Variants in KCNG3 observed in about 807,000 individuals in gnomAD.
KCNG3 encodes the protein voltage-gated potassium channel regulatory subunit KCNG3.
KCNG3 carries 15 observed loss-of-function variants against 29.0 expected under a neutral mutation model. The observed-to-expected ratio is 0.52, with a 90% CI of 0.35 to 0.80. The LOEUF (loss-of-function observed/expected upper bound fraction) is 0.80. KCNG3 is among the 30% of genes least tolerant of loss of function. The pLI, the probability that KCNG3 is intolerant of heterozygous loss-of-function variation, is 0.01. For synonymous variants in KCNG3, 322 were observed against 248.9 expected, an observed-to-expected ratio of 1.29 and a Z score of -2.76; for missense variants, 512 against 605.7, an observed-to-expected ratio of 0.85 and a Z score of 1.62.
chr2:42,463,270 G>A (rs1673062916), intron 1 of KCNG3: 1 of 238,012 alleles, frequency 4.2e-6, no homozygotes, highest in Non-Finnish European at 8.4e-6. Context: ...ATCAGGCTAG[G>A]GTTGTACACT....
chr2:42,474,437 A>G (rs1002250507), intron 1 of KCNG3, among the ~76,000 whole-genome samples: 3 of 152,224 alleles, frequency 2.0e-5, no homozygotes, highest in Admixed American at 6.5e-5. Flanking sequence ...CTGAGGCACG[A>G]GAATCGCTTG....
chr2:42,441,899 G>C (rs1447760145), downstream of KCNG3: 2 of 145,202 alleles, frequency 1.4e-5, no homozygotes, highest in Non-Finnish European at 3.0e-5. Context: ...GTCTGTAACA[G>C]ACACTGTCGG....
intron 1 of KCNG3, among the ~76,000 whole-genome samples, chr2:42,447,756 C>T (rs746974733): frequency 6.6e-6 from 1 of 151,736 alleles, no homozygotes. Flanking sequence ...GGAATGGCCT[C>T]GAACTCCTGG....
Position 42,493,205 on chromosome 2 carries a change from G to A in KCNG3, c.297C>T (p.Ile99=). 5 of 1,611,064 alleles carry A rather than the reference G, an allele frequency of 3.1e-6. No homozygotes were observed. Among genetic ancestry groups the A allele is most frequent in the Non-Finnish European group, 4.2e-6 (5 of 1,179,864 alleles). ...GGTGCGCGCCCTCCAGGCCCCAGTAGATCATCTCGTTGTAGAAGGAGAGCT... is the reference window on the plus strand; with the variant it reads ...GGTGCGCGCCCTCCAGGCCCCAGTAAATCATCTCGTTGTAGAAGGAGAGCT... ...MCELSFYNEM[I]YWGLEGAHLE... Residue 99 remains isoleucine, a synonymous_variant, in exon 1 of 2, where the codon ATC becomes ATT. Transcript: ENST00000306078.
the KCNG3 span, among the ~76,000 whole-genome samples, chr2:42,409,026 C>G: frequency 1.3e-5 from 2 of 152,076 alleles, no homozygotes; most frequent in African/African-American, 4.8e-5. Flanking sequence ...TGTGCTGGCA[C>G]CTGGAGCTGC....
the KCNG3 span, among the ~76,000 whole-genome samples, chr2:42,436,492 T>C: frequency 6.6e-6 from 1 of 152,226 alleles, no homozygotes; most frequent in Non-Finnish European, 1.5e-5. Flanking sequence ...AAAGCTTGTC[T>C]ACAGAGCCAC....
chr2:42,467,442 T>G (rs1216686877), intron 1 of KCNG3, among the ~76,000 whole-genome samples: 1 of 148,364 alleles, frequency 6.7e-6, no homozygotes, highest in African/African-American at 2.5e-5. Context: ...CCAAGGCGGG[T>G]GGATCATCTG....
At chr2:42,419,180 T>TATTTCCCAGG in the KCNG3 span, among the ~76,000 whole-genome samples, 2 of 147,248 alleles carry the variant, frequency 1.4e-5, no homozygotes, top group Non-Finnish European at 3.0e-5. Flanking sequence ...CATGTGCTGC[T>TATTTCCCAGG]ATTTCCCAGG....
At chr2:42,475,800 T>C (rs1673409914) in intron 1 of KCNG3, among the ~76,000 whole-genome samples, 1 of 152,164 alleles carries the variant, frequency 6.6e-6, no homozygotes, top group Non-Finnish European at 1.5e-5. Context: ...GCACAGTGGC[T>C]CAGCCTGTAA....
chr2:42,417,840 C>T, the KCNG3 span, among the ~76,000 whole-genome samples: 3 of 151,794 alleles, frequency 2.0e-5, no homozygotes, highest in African/African-American at 4.8e-5. Context: ...GGCTTGGTGG[C>T]GTGCGCCTGT....
intron 1 of KCNG3, among the ~76,000 whole-genome samples, chr2:42,455,462 A>G (rs1238876667): frequency 1.3e-5 from 2 of 152,250 alleles, no homozygotes; most frequent in Non-Finnish European, 2.9e-5. Flanking sequence ...ATGAAAATTA[A>G]TATAAAAAAC....
At chr2:42,486,145 T>G (rs1190558078) in intron 1 of KCNG3, among the ~76,000 whole-genome samples, 1 of 152,184 alleles carries the variant, frequency 6.6e-6, no homozygotes, top group Non-Finnish European at 1.5e-5. Context: ...AGAACTGGAT[T>G]CAGGCTTACT....
At position 42,492,888 on chromosome 2, in the gene KCNG3, C is replaced by T; in HGVS notation, c.614G>A (p.Ser205Asn). Residue 205 changes from serine to asparagine, a missense_variant, in exon 1 of 2, where the codon AGC becomes AAC. Transcript: ENST00000306078. ...GGAGTACCTGCTCCGGTCATCCAGG[C>T]TGCGGTTGTCGGCGGCTGCGTTGCG... is the stretch of plus-strand genomic sequence containing the variant. ...DWRNAAADNR[S>N]LDDRSRYSAG... The T allele has an allele frequency of 6.4e-7, 1 of 1,552,048 alleles. No homozygotes were observed. Among genetic ancestry groups the T allele is most frequent in the Non-Finnish European group, 8.7e-7 (1 of 1,155,062 alleles).
chr2:42,422,288 T>A, the KCNG3 span, among the ~76,000 whole-genome samples: 2 of 152,024 alleles, frequency 1.3e-5, no homozygotes, highest in African/African-American at 4.8e-5. Context: ...TTGAGAGTAG[T>A]TTTCTAATAA....
At chr2:42,389,652 T>C in the KCNG3 span, among the ~76,000 whole-genome samples, 1 of 152,232 alleles carries the variant, frequency 6.6e-6, no homozygotes, top group Non-Finnish European at 1.5e-5. Context: ...TTTATCCTAA[T>C]GTTGATATAT....
chr2:42,461,427 G>A (rs1282070102), intron 1 of KCNG3, among the ~76,000 whole-genome samples: 1 of 152,084 alleles, frequency 6.6e-6, no homozygotes, highest in East Asian at 1.9e-4. Context: ...AAATCAGGGT[G>A]CACTTCTCTT....
At chr2:42,398,417 A>G in the KCNG3 span, among the ~76,000 whole-genome samples, 2 of 152,036 alleles carry the variant, frequency 1.3e-5, no homozygotes, top group African/African-American at 4.8e-5. Flanking sequence ...AGGTAAGATG[A>G]CAGTGTCCCA....
At chr2:42,464,564 T>G (rs1397925700) in intron 1 of KCNG3, among the ~76,000 whole-genome samples, 1 of 152,234 alleles carries the variant, frequency 6.6e-6, no homozygotes, top group Non-Finnish European at 1.5e-5. Context: ...ACAGCTAAAA[T>G]GCATGAGTTA....
intron 1 of KCNG3, chr2:42,470,308 T>C: frequency 3.2e-6 from 1 of 309,708 alleles, no homozygotes; most frequent in Non-Finnish European, 6.4e-6. Flanking sequence ...TGTTTAAATT[T>C]TAAAAAAATG....
Sources: allele counts gnomAD v4.1 joint callset (sites outside exome capture counted in the v4.1 genomes callset), GRCh38; gene constraint gnomAD v4.1.1; transcripts MANE v1.5; gene names NCBI Gene and HGNC (gene_info 2026-07-23, HGNC 2026-07-21).